DAB1: variants seen among roughly 807,000 people sequenced by gnomAD.
DAB1 encodes the protein DAB adaptor protein 1.
A neutral mutation model predicts 64.6 loss-of-function variants in DAB1; 15 were observed. That is an observed-to-expected ratio of 0.23 (90% CI 0.16 to 0.36). The LOEUF is 0.36. Among genes scored for constraint, DAB1 ranks in the 10% least tolerant of loss-of-function variants. DAB1 has a pLI of 1.00. For missense variants in DAB1, 596 were observed against 706.7 expected, an observed-to-expected ratio of 0.84 and a Z score of 1.78; for synonymous variants, 235 against 251.9, an observed-to-expected ratio of 0.93 and a Z score of 0.64.
At chr1:57,308,743 A>G (rs1674410497) in intron 1 of DAB1, among the ~76,000 whole-genome samples, 1 of 152,164 alleles carries the variant, frequency 6.6e-6, no homozygotes, top group Non-Finnish European at 1.5e-5. Flanking sequence ...TTCTCTCAAT[A>G]CCCTCAGAAA....
intron 4 of DAB1, among the ~76,000 whole-genome samples, chr1:58,322,414 C>CA (rs1662708267): frequency 6.6e-6 from 1 of 152,110 alleles, no homozygotes; most frequent in Admixed American, 6.5e-5. Flanking sequence ...AAAACCCCAT[C>CA]AAAAAATGGG....
chr1:57,156,210 C>A (rs575905334), intron 2 of DAB1, among the ~76,000 whole-genome samples: 1 of 152,266 alleles, frequency 6.6e-6, no homozygotes, highest in South Asian at 2.1e-4. Flanking sequence ...AGTGTCATCT[C>A]ATCATGCACT....
At chr1:57,303,365 C>T (rs1203691004) in intron 1 of DAB1, among the ~76,000 whole-genome samples, 4 of 152,192 alleles carry the variant, frequency 2.6e-5, no homozygotes, top group African/African-American at 7.2e-5. Context: ...CCTTTCGCCC[C>T]AGTCCAGTCC....
intron 4 of DAB1, among the ~76,000 whole-genome samples, chr1:58,198,312 G>T: frequency 6.6e-6 from 1 of 152,276 alleles, no homozygotes; most frequent in East Asian, 1.9e-4. Context: ...GTATTAAGGT[G>T]TAAAGTCAGA....
At chr1:57,141,408 G>A (rs484064) in intron 3 of DAB1, among the ~76,000 whole-genome samples, 20,292 of 151,978 alleles carry the variant, frequency 0.13, 1,501 homozygotes, top group South Asian at 0.19. Context: ...TTGCATCTCT[G>A]GTAGTAGCTA....
chr1:58,042,438 A>G (rs954292053), intron 5 of DAB1, among the ~76,000 whole-genome samples: 1 of 152,234 alleles, frequency 6.6e-6, no homozygotes, highest in African/African-American at 2.4e-5. Context: ...AGTAACAACA[A>G]CAAACCCCCA....
intron 1 of DAB1, among the ~76,000 whole-genome samples, chr1:57,343,473 C>T (rs552944995): frequency 6.6e-6 from 1 of 152,190 alleles, no homozygotes; most frequent in East Asian, 1.9e-4. Flanking sequence ...CTTGGGTGGT[C>T]GATGGGACTA....
downstream of DAB1, among the ~76,000 whole-genome samples, chr1:57,825,513 A>G (rs1400895235): frequency 6.6e-6 from 1 of 152,214 alleles, no homozygotes; most frequent in Admixed American, 6.5e-5. Flanking sequence ...TCTATAAAAG[A>G]TGAAGGATCA....
intron 5 of DAB1, among the ~76,000 whole-genome samples, chr1:58,108,210 T>C (rs1009938490): frequency 3.3e-5 from 5 of 152,188 alleles, no homozygotes; most frequent in Middle Eastern, 3.2e-3. Context: ...CTTTTGAGAA[T>C]GAGCCCAAAC....
intron 4 of DAB1, among the ~76,000 whole-genome samples, chr1:58,181,393 C>A (rs1350230406): frequency 6.6e-6 from 1 of 152,064 alleles, no homozygotes; most frequent in Non-Finnish European, 1.5e-5. Context: ...ATTATCCAGT[C>A]TGACAATCTG....
chr1:58,500,545 G>A (rs1224453842), intron 3 of DAB1, among the ~76,000 whole-genome samples: 1 of 152,154 alleles, frequency 6.6e-6, no homozygotes, highest in Non-Finnish European at 1.5e-5. Flanking sequence ...TATGAATGCA[G>A]CCACCAAGTG....
intron 1 of DAB1, among the ~76,000 whole-genome samples, chr1:58,530,387 TC>T (rs1212720688): frequency 6.6e-6 from 1 of 152,204 alleles, no homozygotes; most frequent in Non-Finnish European, 1.5e-5. Flanking sequence ...CTTCTAACTC[TC>T]CATACCCATC....
At chr1:57,742,265 G>A (rs532399187) in intron 6 of DAB1, among the ~76,000 whole-genome samples, 7 of 152,258 alleles carry the variant, frequency 4.6e-5, no homozygotes, top group South Asian at 4.2e-4. Flanking sequence ...AAACCAAGGC[G>A]CAGGCAGCAG....
chr1:57,284,307 C>T (rs1362680490), intron 2 of DAB1, among the ~76,000 whole-genome samples: 5 of 152,156 alleles, frequency 3.3e-5, no homozygotes, highest in African/African-American at 7.2e-5. Flanking sequence ...TTAACTACAG[C>T]GTGGATGACT....
chr1:58,073,135 CA>C (rs967381172), intron 5 of DAB1, among the ~76,000 whole-genome samples: 4 of 152,150 alleles, frequency 2.6e-5, no homozygotes, highest in African/African-American at 7.2e-5. Flanking sequence ...CATGTGATCC[CA>C]GGCATTCTGA....
At chr1:57,159,487 G>C (rs989096326) in intron 2 of DAB1, among the ~76,000 whole-genome samples, 1 of 152,198 alleles carries the variant, frequency 6.6e-6, no homozygotes, top group Non-Finnish European at 1.5e-5. Flanking sequence ...TTGGTAGACT[G>C]TAAGTTTATG....
intron 5 of DAB1, among the ~76,000 whole-genome samples, chr1:57,993,710 T>C (rs968486002): frequency 1.9e-4 from 29 of 152,104 alleles, no homozygotes; most frequent in African/African-American, 7.0e-4. Context: ...CAAGTCTTAG[T>C]GAAATAGATG....
intron 2 of DAB1, among the ~76,000 whole-genome samples, chr1:57,151,046 T>C (rs902696785): frequency 1.3e-5 from 2 of 152,122 alleles, no homozygotes; most frequent in African/African-American, 4.8e-5. Flanking sequence ...GGGTCTGCGG[T>C]GAGCCAGGGC....
chr1:57,601,299 G>A (rs1027182169), intron 7 of DAB1, among the ~76,000 whole-genome samples: 4 of 152,090 alleles, frequency 2.6e-5, no homozygotes, highest in Admixed American at 2.0e-4. Context: ...TAGGGGTCAG[G>A]TGAGTGGCTC....
Sources: gnomAD v4.1 joint callset for allele counts (sites outside exome capture counted in the v4.1 genomes callset) on GRCh38, gnomAD v4.1.1 for gene constraint, MANE v1.5 for transcripts, NCBI Gene and HGNC (gene_info 2026-07-23, HGNC 2026-07-21) for gene names.